The following WBP11 variants were observed in gnomAD, a reference collection of about 807,000 sequenced individuals.
WBP11 encodes the protein WW domain binding protein 11, also known as WW domain-binding protein 11.
A neutral mutation model predicts 66.7 loss-of-function variants in WBP11; 12 were observed. That is an observed-to-expected ratio of 0.18 (90% CI 0.12 to 0.29). The LOEUF is 0.29. WBP11 is among the 10% of genes least tolerant of loss of function. The pLI is 1.00. For missense variants in WBP11, 555 were observed against 818.3 expected (o/e 0.68, Z 3.93); for synonymous variants, 255 against 273.8 (o/e 0.93, Z 0.68).
intron 11 of WBP11, among the ~76,000 whole-genome samples, chr12:14,788,693 C>T (rs746935188): frequency 9.2e-5 from 14 of 152,278 alleles, no homozygotes; most frequent in Non-Finnish European, 1.5e-4. Context: ...GAAACGGCTT[C>T]GTAACTACAA....
chr12:14,801,677 G>A (rs1301992507), intron 1 of WBP11, among the ~76,000 whole-genome samples: 1 of 152,152 alleles, frequency 6.6e-6, no homozygotes, highest in Non-Finnish European at 1.5e-5. Context: ...CAAGTCATCA[G>A]TTTAGCTTTT....
chr12:14,795,277 TGAAA>T (rs1193306133), intron 5 of WBP11, among the ~76,000 whole-genome samples, 173 bp from the exon 6 acceptor site: 1 of 152,222 alleles, frequency 6.6e-6, no homozygotes, highest in African/African-American at 2.4e-5. Context: ...GTCAAAGAAC[TGAAA>T]GAAATCTTTA....
At position 14,794,749 on chromosome 12, in the gene WBP11, A is replaced by G. The variant is rs1367369880; in HGVS notation, c.522-13T>C. On this transcript the variant is annotated splice_polypyrimidine_tract_variant and intron_variant, in intron 6 of 11. Coordinates refer to ENST00000261167, the MANE Select transcript of WBP11 (RefSeq NM_016312.3). ...CCGAGTTGGAGGTCTGTTAAAAAAA[A>G]AAACAAAAACAAAAAAACCCCCACA... 6.5e-7 allele frequency: 1 copy of G among 1,536,020 alleles called. No homozygotes were observed. The highest frequency in any genetic ancestry group is 1.4e-5 in the African/African-American group (1 of 71,808).
Position 14,800,844 on chromosome 12 carries a change from C to T in WBP11, c.65-61G>A, listed in dbSNP as rs1272776644. On this transcript the variant is annotated intron_variant, in intron 2 of 11. Coordinates refer to ENST00000261167, the MANE Select transcript of WBP11 (RefSeq NM_016312.3). ...TGAATCTTGAACATTAGCATTTCCT[C>T]CAATTTAATACAGGTAATTCTTTAT... 3 of 1,393,446 alleles carry T rather than the reference C, an allele frequency of 2.2e-6. No homozygotes were observed. The African/African-American group carries it at 4.4e-5, about 20-fold the overall frequency. The allele number at this position is 1,393,446 out of a possible 1,614,324, so 86.3% of individuals were successfully genotyped here. A position where few individuals can be genotyped will look rare whatever the true frequency, so the allele number is the denominator to read the frequency against.
At chr12:14,788,307 A>T (rs1400984251) in intron 11 of WBP11, among the ~76,000 whole-genome samples, 1 of 152,210 alleles carries the variant, frequency 6.6e-6, no homozygotes, top group Non-Finnish European at 1.5e-5. Context: ...ATTACTGGAA[A>T]AGAACTCATG....
chr12:14,793,660 T>C (rs762518871), intron 8 of WBP11, 71 bp downstream of exon 8: 169 of 1,510,784 alleles, frequency 1.1e-4, no homozygotes, highest in Non-Finnish European at 1.5e-4. Flanking sequence ...CACAGATTCA[T>C]TAATAAATTA....
At position 14,794,547 on chromosome 12, in the gene WBP11, A is replaced by T. The variant is rs900712579; in HGVS notation, c.711T>A (p.Ser237Arg). Reference sequence around the variant, plus strand: ...ACAGTCACTTCTCACCAAGTTCAGGACTATATAACATGTCTTCATCTCGCC... The same window carrying T: ...ACAGTCACTTCTCACCAAGTTCAGGTCTATATAACATGTCTTCATCTCGCC... ...PRRRDEDMLY[S>R]PELAQRGHDD... Residue 237 changes from serine (S) to arginine (R), a missense_variant, in exon 7 of 12, where the codon AGT becomes AGA. Physicochemically the swap from Ser to Arg is moderately radical, Grantham distance 110. Around this residue, in one of 6 missense-constraint regions of WBP11, gnomAD observed 220 missense variants for 268.2 expected, o/e 0.82. Transcript: ENST00000261167. 6.2e-7 allele frequency: 1 copy of T among 1,613,742 alleles called. No individual in the cohort carries two copies.
In WBP11 at chr12:14,785,271, A is replaced by T. The variant is rs1292355422; in HGVS notation, c.*1794T>A. ...GGCAACAGAGTTAGAACCTGTCTCCATGGAAAAATGATAAAAACATCACTC... is the reference window on the plus strand; with the variant it reads ...GGCAACAGAGTTAGAACCTGTCTCCTTGGAAAAATGATAAAAACATCACTC... On this transcript the variant is annotated 3_prime_UTR_variant, in exon 12 of 12. Coordinates refer to ENST00000261167, the MANE Select transcript of WBP11 (RefSeq NM_016312.3). 6.6e-6 allele frequency: 1 copy of T among 152,236 alleles called. No individual in the cohort carries two copies. The highest frequency in any genetic ancestry group is 1.5e-5 in the Non-Finnish European group (1 of 68,042). The allele number at this position is 152,236 out of a possible 1,614,324, so 9.4% of individuals were successfully genotyped here. A position where few individuals can be genotyped will look rare whatever the true frequency, so the allele number is the denominator to read the frequency against.
In WBP11 at chr12:14,795,113, G is replaced by A; in HGVS notation, c.388-9C>T. The stretch of plus-strand genomic sequence containing the variant: ...TCCACATGCTGAGCATTCTGAAACA[G>A]AGAACCATTCAGTAGTATGATAAAA... On this transcript the variant is annotated splice_polypyrimidine_tract_variant and intron_variant, in intron 5 of 11. Coordinates refer to ENST00000261167, the MANE Select transcript of WBP11 (RefSeq NM_016312.3). 1 of 1,592,622 alleles carries A rather than the reference G, an allele frequency of 6.3e-7. No individual in the cohort carries two copies.
chr12:14,793,713 T>A lies in WBP11; in HGVS notation c.913+18A>T. On this transcript the variant is annotated intron_variant, in intron 8 of 11. Transcript: ENST00000261167. ...TCTCTTTATTGATCAATACCATGAA[T>A]CCTTCATCTGCACATACCTGACTTC... 1.2e-6 allele frequency: 2 copies of A among 1,611,364 alleles called. No homozygotes were observed. The highest frequency in any genetic ancestry group is 1.7e-6 in the Non-Finnish European group (2 of 1,178,484).
chr12:14,794,602 A>C lies in WBP11; in HGVS notation c.656T>G (p.Val219Gly), dbSNP rs1488678442. The C allele has an allele frequency of 6.2e-7, 1 of 1,614,028 alleles. No homozygotes were observed. The highest frequency in any genetic ancestry group is 8.5e-7 in the Non-Finnish European group (1 of 1,180,044). The stretch of plus-strand genomic sequence containing the variant: ...AGGGGGAAGATCTAGGGCAAAACCC[A>C]CTTTACGGCCATACATCTGCACGAC... ...PQVVQMYGRKVGFALDLPPRR... is the reference protein window; with the variant it reads ...PQVVQMYGRKGGFALDLPPRR... The change falls in exon 7 of 12, where the codon GTG becomes GGG. Residue 219 changes from valine to glycine, a missense_variant. This residue lies in a region of WBP11 where 220 missense variants were observed against 268.2 expected (regional missense o/e 0.82). Coordinates refer to ENST00000261167, the MANE Select transcript of WBP11 (RefSeq NM_016312.3).
In WBP11 at chr12:14,802,542, A is replaced by T. The variant is rs79193474; in HGVS notation, c.-46+810T>A. Among the ~76,000 whole-genome samples, 314 of 152,310 alleles carry T rather than the reference A, an allele frequency of 2.1e-3. 1 individual carries two copies. The highest frequency in any genetic ancestry group is 0.019 in the East Asian group (98 of 5,192). On this transcript the variant is annotated intron_variant, in intron 1 of 11. Coordinates refer to ENST00000261167, the MANE Select transcript of WBP11 (RefSeq NM_016312.3). ...AAAATGGGGACATCAATTACTTTAT[A>T]ACAAAGCTCTGATGATACAATGAGA...
intron 9 of WBP11, 89 bp from the exon 10 acceptor site, chr12:14,790,838 A>AATG: frequency 7.8e-7 from 1 of 1,277,528 alleles, no homozygotes; most frequent in Non-Finnish European, 1.1e-6. Flanking sequence ...ATGGTTAATA[A>AATG]ATGTGTTCTC....
chr12:14,793,957 T>C, intron 7 of WBP11, 35 bp from the exon 8 acceptor site: 1 of 1,560,136 alleles, frequency 6.4e-7, no homozygotes, highest in South Asian at 1.2e-5. Flanking sequence ...AGAAGTAGTA[T>C]GATTGGACCC....
chr12:14,796,766 T>A lies in WBP11; in HGVS notation c.387+41A>T. On this transcript the variant is annotated intron_variant, in intron 5 of 11. Coordinates refer to ENST00000261167, the MANE Select transcript of WBP11 (RefSeq NM_016312.3). This position sits in a 1 kb window ranked among gnomAD's most constrained non-coding sequence, Gnocchi z 4.5. ...TTGCATAAGGGATACTCAATCTGTA[T>A]AATATTTTAGTTTATCTCTCAAAAA... The A allele has an allele frequency of 1.3e-6, 2 of 1,555,950 alleles. No homozygotes were observed. The highest frequency in any genetic ancestry group is 1.7e-6 in the Non-Finnish European group (2 of 1,157,000).
intron 10 of WBP11, among the ~76,000 whole-genome samples, chr12:14,789,699 G>A (rs1949798796): frequency 6.6e-6 from 1 of 152,114 alleles, no homozygotes; most frequent in Admixed American, 6.5e-5. Context: ...CCGCAATGTT[G>A]GAAATATACA....
intron 2 of WBP11, 33 bp from the exon 3 acceptor site, chr12:14,800,816 C>A (rs1949953855): frequency 1.3e-6 from 2 of 1,564,166 alleles, no homozygotes; most frequent in Non-Finnish European, 8.7e-7. Context: ...ATAATAAAAT[C>A]TTTGAATCTT....
In WBP11 at chr12:14,796,296, A is replaced by ATCC. The variant is rs1345092397; in HGVS notation, c.387+508_387+510dup. ...ATCCTATTAGTGAACACTTAGGCTG[A>ATCC]TCCAAGTTTTTGAATTAATTTCTTC... On this transcript the variant is annotated intron_variant, in intron 5 of 11. Transcript: ENST00000261167. The surrounding 1 kb of genome is among the most constrained non-coding windows in gnomAD (Gnocchi z 4.5). Among the ~76,000 whole-genome samples the ATCC allele has an allele frequency of 1.3e-5, 2 of 152,188 alleles. No individual in the cohort carries two copies. The highest frequency in any genetic ancestry group is 4.8e-5 in the African/African-American group (2 of 41,448).
At position 14,789,057 on chromosome 12, in the gene WBP11, T is replaced by A; in HGVS notation, c.1386A>T (p.Pro462=). 1 of 1,514,288 alleles carries A rather than the reference T, an allele frequency of 6.6e-7. No homozygotes were observed. Among genetic ancestry groups the A allele is most frequent in the Middle Eastern group, 1.7e-4 (1 of 5,716 alleles). The allele number at this position is 1,514,288 out of a possible 1,614,324, so 93.8% of individuals were successfully genotyped here. A position where few individuals can be genotyped will look rare whatever the true frequency, so the allele number is the denominator to read the frequency against. ...GPLPRLLPPG[P]PPGRPPGPPP... ...GAGGGCCAGGGGGTCGGCCTGGTGG[T>A]GGTCCTGGAGGTAAAAGTCGGGGTA... The change falls in exon 11 of 12, where the codon CCA becomes CCT. Residue 462 remains proline, a synonymous_variant. Coordinates refer to ENST00000261167, the MANE Select transcript of WBP11 (RefSeq NM_016312.3).
Sources: gnomAD v4.1 joint callset for allele counts (sites outside exome capture counted in the v4.1 genomes callset) on GRCh38, gnomAD v4.1.1 for gene constraint, gnomAD v4.1.1 regional missense constraint, Gnocchi (gnomAD v3.1) non-coding constraint, MANE v1.5 for transcripts, NCBI Gene and HGNC (gene_info 2026-07-23, HGNC 2026-07-21) for gene names.